The following STK3 variants were observed in gnomAD, a reference collection of about 807,000 sequenced individuals.
STK3 encodes serine/threonine-protein kinase 3.
Under a neutral mutation model 58.0 loss-of-function variants are expected in STK3, and 41 were observed. The observed-to-expected ratio is 0.71, with a 90% CI of 0.55 to 0.92. The LOEUF (loss-of-function observed/expected upper bound fraction) is 0.92. STK3 is among the 40% of genes least tolerant of loss of function. The pLI is 0.00. For synonymous variants in STK3, 170 were observed against 191.0 expected (o/e 0.89, Z 0.91); for missense variants, 479 against 602.7 (o/e 0.79, Z 2.15).
chr8:98,352,091 C>G, the STK3 span, among the ~76,000 whole-genome samples: 3 of 144,876 alleles, frequency 2.1e-5, no homozygotes, highest in Admixed American at 1.4e-4. Flanking sequence ...GAGCTGAGAT[C>G]GCGCCACTGC....
At chr8:98,406,765 T>A (rs1010395449) in intron 3 of STK3, among the ~76,000 whole-genome samples, 15 of 152,212 alleles carry the variant, frequency 9.9e-5, no homozygotes, top group African/African-American at 3.6e-4. Flanking sequence ...TTTCCCAGCA[T>A]CCTTTGCAGT....
intron 1 of STK3, among the ~76,000 whole-genome samples, chr8:98,811,009 G>T (rs2131676145): frequency 6.6e-6 from 1 of 152,300 alleles, no homozygotes; most frequent in African/African-American, 2.4e-5. Flanking sequence ...CTAAGCTGAT[G>T]CTGCTGCCAT....
intron 1 of STK3, among the ~76,000 whole-genome samples, chr8:98,382,703 C>T (rs1056048918): frequency 5.9e-5 from 9 of 152,156 alleles, no homozygotes; most frequent in East Asian, 1.9e-4. Context: ...GCCTGGAAAG[C>T]GGCCTGACAG....
Position 98,428,998 on chromosome 8 carries a change from T to A in STK3, n.483+5129A>T, listed in dbSNP as rs1586557884. 6.2e-7 allele frequency: 1 copy of A among 1,614,114 alleles called. No homozygotes were observed. The highest frequency in any genetic ancestry group is 8.5e-7 in the Non-Finnish European group (1 of 1,179,996). On this transcript the variant is annotated intron_variant and non_coding_transcript_variant, in intron 3 of 3. Coordinates refer to the STK3 transcript ENST00000517832. The surrounding 1 kb of genome is among the most constrained non-coding windows in gnomAD (Gnocchi z 6.7). ...CTCTTGCTCTACCTCTCCGTGGGGA[T>A]TTCCATCTTCTCCGTGGTGGCCTAC...
chr8:98,517,321 T>C (rs570298505), intron 10 of STK3, among the ~76,000 whole-genome samples: 1 of 152,198 alleles, frequency 6.6e-6, no homozygotes, highest in South Asian at 2.1e-4. Flanking sequence ...TATTATTTAC[T>C]GAAAAGTCTT....
At position 98,394,211 on chromosome 8, in the gene STK3, T is replaced by C. The variant is rs371164988; in HGVS notation, n.428-5964A>G. 9.9e-5 allele frequency among the ~76,000 whole-genome samples: 15 copies of C among 152,270 alleles called. 1 individual carries two copies. The highest frequency in any genetic ancestry group is 3.6e-4 in the African/African-American group (15 of 41,540). ...CTAGAGAAGCATGCTTAAAACCATC[T>C]CAGGGACTTCCAGAAATATTTAGGA... On this transcript the variant is annotated intron_variant and non_coding_transcript_variant, in intron 3 of 5. Coordinates refer to the STK3 transcript ENST00000649151.
intron 4 of STK3, among the ~76,000 whole-genome samples, chr8:98,735,162 G>A (rs1435060408): frequency 6.6e-6 from 1 of 152,028 alleles, no homozygotes; most frequent in African/African-American, 2.4e-5. Context: ...AAAGAGGTAG[G>A]GTAATTTTAT....
At chr8:98,875,652 A>T (rs1292916612) in intron 3 of STK3, 1 of 152,190 alleles carries the variant, frequency 6.6e-6, no homozygotes, top group Non-Finnish European at 1.5e-5. Context: ...GTTGGAAGAG[A>T]CATGGAAAAA....
chr8:98,346,889 C>T, the STK3 span, among the ~76,000 whole-genome samples: 1 of 151,366 alleles, frequency 6.6e-6, no homozygotes, highest in Non-Finnish European at 1.5e-5. Flanking sequence ...ATGGTAGCTA[C>T]ATATATATGT....
At chr8:98,523,779 G>A (rs1400806224) in intron 10 of STK3, among the ~76,000 whole-genome samples, 1 of 152,004 alleles carries the variant, frequency 6.6e-6, no homozygotes, top group African/African-American at 2.4e-5. Context: ...TCAGATATAT[G>A]ATTTACAAAT....
intron 3 of STK3, among the ~76,000 whole-genome samples, chr8:98,394,317 G>C (rs1330074732): frequency 6.6e-6 from 1 of 152,126 alleles, no homozygotes; most frequent in Non-Finnish European, 1.5e-5. Flanking sequence ...TTACATCCAA[G>C]GCTACTCTGA....
At chr8:98,519,779 C>T (rs1234275576) in intron 10 of STK3, among the ~76,000 whole-genome samples, 1 of 151,888 alleles carries the variant, frequency 6.6e-6, no homozygotes, top group East Asian at 1.9e-4. Flanking sequence ...TTCTTGTGTC[C>T]CTTAGCTCAA....
intron 1 of STK3, among the ~76,000 whole-genome samples, chr8:98,381,834 G>A (rs900066019): frequency 6.2e-4 from 95 of 152,328 alleles, no homozygotes; most frequent in African/African-American, 2.3e-3. Context: ...CAAACTTGAG[G>A]CCAATGAAGG....
At chr8:98,548,733 A>G (rs1267549820) in intron 8 of STK3, among the ~76,000 whole-genome samples, 2 of 152,080 alleles carry the variant, frequency 1.3e-5, no homozygotes, top group Non-Finnish European at 2.9e-5. Context: ...CCCTTTCCCC[A>G]GCCCTGGCAA....
At chr8:98,643,282 T>C (rs1310364876) in intron 6 of STK3, among the ~76,000 whole-genome samples, 1 of 152,174 alleles carries the variant, frequency 6.6e-6, no homozygotes, top group Non-Finnish European at 1.5e-5. Context: ...CTTGAGATCT[T>C]TGTAACACCT....
At chr8:98,758,641 C>A (rs1466540592) in intron 3 of STK3, among the ~76,000 whole-genome samples, 2 of 152,208 alleles carry the variant, frequency 1.3e-5, no homozygotes, top group Non-Finnish European at 2.9e-5. Context: ...AGAGAGTCAG[C>A]CTGTCCTTTG....
chr8:98,727,490 CT>C (rs2131224260), intron 4 of STK3, among the ~76,000 whole-genome samples: 1 of 152,274 alleles, frequency 6.6e-6, no homozygotes, highest in South Asian at 2.1e-4. Context: ...TTTTCTGTAA[CT>C]TATAACCAAA....
intron 1 of STK3, among the ~76,000 whole-genome samples, chr8:98,914,196 A>C (rs1839255570): frequency 6.6e-6 from 1 of 152,146 alleles, no homozygotes; most frequent in Non-Finnish European, 1.5e-5. Flanking sequence ...TCACACCTGT[A>C]ACCTCAACAC....
intron 6 of STK3, among the ~76,000 whole-genome samples, chr8:98,618,265 C>T (rs1215798763): frequency 1.3e-5 from 2 of 148,172 alleles, no homozygotes; most frequent in Admixed American, 1.4e-4. Context: ...ATTCAACAAC[C>T]CTTCATGCTA....
Sources: gnomAD v4.1 joint callset for allele counts (sites outside exome capture counted in the v4.1 genomes callset) on GRCh38, gnomAD v4.1.1 for gene constraint, Gnocchi (gnomAD v3.1) non-coding constraint, MANE v1.5 for transcripts, NCBI Gene and HGNC (gene_info 2026-07-23, HGNC 2026-07-21) for gene names.